EVL: variants seen among roughly 807,000 people sequenced by gnomAD.
The protein encoded by EVL is ena/VASP-like protein.
EVL carries 21 observed loss-of-function variants against 59.6 expected under a neutral mutation model. That is an observed-to-expected ratio of 0.35 (90% CI 0.25 to 0.51). EVL has a LOEUF of 0.51. Among genes scored for constraint, EVL ranks in the 20% least tolerant of loss-of-function variants. The pLI, the probability that EVL is intolerant of heterozygous loss-of-function variation, is 0.97. For synonymous variants in EVL, 198 were observed against 203.5 expected, an observed-to-expected ratio of 0.97 and a Z score of 0.23; for missense variants, 462 against 546.6, an observed-to-expected ratio of 0.85 and a Z score of 1.54.
chr14:100,125,617 G>A (rs987821507), intron 4 of EVL, among the ~76,000 whole-genome samples: 16 of 151,240 alleles, frequency 1.1e-4, no homozygotes, highest in African/African-American at 3.7e-4. Flanking sequence ...GTGTAGTGAC[G>A]CAATCTTGGC....
In EVL at chr14:100,126,764, G is replaced by A. The variant is rs759831187; in HGVS notation, c.480G>A (p.Ser160=). The A allele has an allele frequency of 9.9e-6, 16 of 1,613,680 alleles. No individual in the cohort carries two copies. The highest frequency in any genetic ancestry group is 8.0e-5 in the African/African-American group (6 of 74,898). Residue 160 remains serine, a synonymous_variant, in exon 5 of 14, where the codon TCG becomes TCA. Coordinates refer to ENST00000392920, the MANE Select transcript of EVL (RefSeq NM_016337.3). Reference sequence around the variant, plus strand: ...AGGAATCTCTAGAAAGAAGAACCTCGGCCACAGGTGAGAGCCCTCCTCCCC... The same window carrying A: ...AGGAATCTCTAGAAAGAAGAACCTCAGCCACAGGTGAGAGCCCTCCTCCCC... The part of the protein sequence containing the change: ...QRQESLERRT[S]ATGPILPPGH...
chr14:100,137,929 GTC>G, intron 11 of EVL, 127 bp downstream of exon 11: 1 of 970,588 alleles, frequency 1.0e-6, no homozygotes, highest in South Asian at 1.4e-5. Context: ...TGCGAAGGTG[GTC>G]TGTTCTTTCA....
At chr14:100,041,007 A>T (rs1228402954) in intron 1 of EVL, among the ~76,000 whole-genome samples, 3 of 152,140 alleles carry the variant, frequency 2.0e-5, no homozygotes, top group African/African-American at 7.2e-5. Context: ...ATTGACCCCA[A>T]TTCCGGGTCA....
At position 100,119,224 on chromosome 14, in the gene EVL, T is replaced by A. The variant is rs1287968413; in HGVS notation, c.359-4315T>A. ...TTTTTCCTTTTTTAATTTTTGAATT[T>A]CTTCTCATGCTTGTTTCCTATCTCA... On this transcript the variant is annotated intron_variant, in intron 3 of 13. Transcript: ENST00000392920. Among the ~76,000 whole-genome samples the A allele has an allele frequency of 2.6e-5, 4 of 152,394 alleles. No individual in the cohort carries two copies. The East Asian group carries it at 7.7e-4, about 29-fold the overall frequency.
At chr14:100,065,369 C>T, upstream of EVL, 1 of 1,001,068 alleles carries the variant, frequency 1.0e-6, no homozygotes, top group Non-Finnish European at 1.3e-6. Flanking sequence ...CTTCCTTTTC[C>T]TGTTTGGTTT....
chr14:100,028,034 CT>C (rs1452356151), intron 1 of EVL, among the ~76,000 whole-genome samples: 1 of 152,034 alleles, frequency 6.6e-6, no homozygotes, highest in Non-Finnish European at 1.5e-5. Flanking sequence ...TAAAATCAGT[CT>C]CTTCAGTATA....
intron 1 of EVL, among the ~76,000 whole-genome samples, chr14:100,030,078 A>G (rs896381642): frequency 6.6e-6 from 1 of 150,942 alleles, no homozygotes; most frequent in Non-Finnish European, 1.5e-5. Flanking sequence ...TTACTATGCT[A>G]ATTAAATGAG....
In EVL at chr14:100,128,583, T is replaced by TGCC; in HGVS notation, c.552_553insGCC (p.Pro184_Pro185insAla). Reference sequence around the variant, plus strand: ...GCGCCCCCGTCTCATGTAGTGGGCCTCCACCGCCCCCCCCACCCCCAGTCC... The same window carrying TGCC: ...GCGCCCCCGTCTCATGTAGTGGGCCTGCCCCACCGCCCCCCCCACCCCCAGTCC... On this transcript the variant is annotated inframe_insertion, in exon 6 of 14. Transcript: ENST00000392920. 6.3e-7 allele frequency: 1 copy of TGCC among 1,579,766 alleles called. No individual in the cohort carries two copies. The highest frequency in any genetic ancestry group is 8.7e-7 in the Non-Finnish European group (1 of 1,155,634).
intron 1 of EVL, among the ~76,000 whole-genome samples, chr14:100,056,031 C>T (rs1168957467): frequency 6.6e-6 from 1 of 151,932 alleles, no homozygotes; most frequent in Admixed American, 6.6e-5. Flanking sequence ...GGGCTGGTCT[C>T]GAACTCCTGA....
chr14:100,032,765 TC>T (rs2061332825), intron 1 of EVL, among the ~76,000 whole-genome samples: 1 of 152,164 alleles, frequency 6.6e-6, no homozygotes, highest in Non-Finnish European at 1.5e-5. Context: ...TTCTCTTTTT[TC>T]TGAACTCTCC....
At chr14:100,048,853 G>A (rs944645429) in intron 1 of EVL, among the ~76,000 whole-genome samples, 10 of 152,164 alleles carry the variant, frequency 6.6e-5, no homozygotes, top group African/African-American at 2.2e-4. Flanking sequence ...AATGTTACAC[G>A]TTGTATGATT....
At chr14:99,976,030 T>C (rs140845369) in intron 1 of EVL, among the ~76,000 whole-genome samples, 13 of 151,962 alleles carry the variant, frequency 8.6e-5, no homozygotes, top group Admixed American at 3.9e-4. Context: ...TTAAATTTCT[T>C]TTTTGTTTTT....
chr14:100,091,133 C>T (rs1017510452), intron 2 of EVL, among the ~76,000 whole-genome samples: 1 of 152,178 alleles, frequency 6.6e-6, no homozygotes, highest in Non-Finnish European at 1.5e-5. Flanking sequence ...TGTCGGCGTG[C>T]TGCCCGCCTC....
chr14:100,097,696 T>G, intron 3 of EVL, 38 bp downstream of exon 3: 1 of 1,556,648 alleles, frequency 6.4e-7, no homozygotes, highest in East Asian at 2.3e-5. Flanking sequence ...GCTGAGACCC[T>G]CTCTTGTTCT....
At chr14:100,017,419 C>T (rs2061059548) in intron 1 of EVL, among the ~76,000 whole-genome samples, 1 of 152,164 alleles carries the variant, frequency 6.6e-6, no homozygotes, top group South Asian at 2.1e-4. Flanking sequence ...ACCCAGTCAT[C>T]AGAGCTGTCC....
At chr14:100,019,724 CT>C in intron 1 of EVL, 2 of 1,527,504 alleles carry the variant, frequency 1.3e-6, no homozygotes, top group African/African-American at 1.4e-5. Context: ...CTGCTGCTGG[CT>C]TTTTGTTCTC....
intron 3 of EVL, 35 bp downstream of exon 3, chr14:100,097,693 C>T: frequency 2.6e-6 from 4 of 1,567,624 alleles, no homozygotes; most frequent in South Asian, 1.2e-5. Flanking sequence ...GATGCTGAGA[C>T]CCTCTCTTGT....
chr14:100,116,959 C>G (rs560739502), intron 3 of EVL, among the ~76,000 whole-genome samples: 17 of 152,328 alleles, frequency 1.1e-4, no homozygotes, highest in African/African-American at 4.1e-4. Flanking sequence ...ACAGTTCACT[C>G]TGAAGGGGAT....
At chr14:100,112,369 C>G (rs999819586) in intron 3 of EVL, among the ~76,000 whole-genome samples, 1 of 152,160 alleles carries the variant, frequency 6.6e-6, no homozygotes, top group Non-Finnish European at 1.5e-5. Flanking sequence ...TGCATTTAGC[C>G]CACTCTGATC....
Sources: allele counts gnomAD v4.1 joint callset (sites outside exome capture counted in the v4.1 genomes callset), GRCh38; gene constraint gnomAD v4.1.1; transcripts MANE v1.5; gene names NCBI Gene and HGNC (gene_info 2026-07-23, HGNC 2026-07-21).